The following PCDH15 variants were observed in gnomAD, a reference collection of about 807,000 sequenced individuals.
The protein encoded by PCDH15 is protocadherin related 15.
In PCDH15, 129 loss-of-function variants were observed where a neutral mutation model predicts 178.5. The observed-to-expected ratio is 0.72, with a 90% confidence interval of 0.63 to 0.84. PCDH15 has a LOEUF of 0.84. Among genes scored for constraint, PCDH15 ranks in the 40% least tolerant of loss-of-function variants. The pLI is 0.00. For missense variants in PCDH15, 2,230 were observed against 2,099.9 expected (o/e 1.06, Z -1.21); for synonymous variants, 800 against 732.0 (o/e 1.09, Z -1.50).
intron 2 of PCDH15, among the ~76,000 whole-genome samples, chr10:55,586,793 G>A (rs945869563): frequency 6.6e-6 from 1 of 152,050 alleles, no homozygotes; most frequent in African/African-American, 2.4e-5. Flanking sequence ...CTTATGACAA[G>A]AGAATGATGT....
intron 27 of PCDH15, among the ~76,000 whole-genome samples, chr10:53,862,374 C>T (rs2079160753): frequency 6.6e-6 from 1 of 151,904 alleles, no homozygotes; most frequent in Non-Finnish European, 1.5e-5. Flanking sequence ...TGATTTTTTA[C>T]ACGTGCATAA....
At chr10:55,086,716 C>A (rs1185562923) in intron 2 of PCDH15, among the ~76,000 whole-genome samples, 1 of 152,046 alleles carries the variant, frequency 6.6e-6, no homozygotes, top group Non-Finnish European at 1.5e-5. Context: ...AAATGACACA[C>A]AGTCAATTTC....
intron 23 of PCDH15, among the ~76,000 whole-genome samples, chr10:53,942,256 AGTTT>A (rs2086131158): frequency 7.7e-6 from 1 of 129,830 alleles, no homozygotes; most frequent in Non-Finnish European, 1.8e-5. Flanking sequence ...TTAATTTACT[AGTTT>A]ATTTACTTAC....
chr10:54,862,741 A>T (rs1277864955), intron 3 of PCDH15, among the ~76,000 whole-genome samples: 4 of 152,110 alleles, frequency 2.6e-5, no homozygotes, highest in African/African-American at 9.7e-5. Context: ...CTCTCTCATC[A>T]TATGTGCCAG....
chr10:53,893,933 C>G (rs1055847162), intron 26 of PCDH15, among the ~76,000 whole-genome samples: 36 of 152,036 alleles, frequency 2.4e-4, no homozygotes, highest in African/African-American at 8.2e-4. Context: ...TTGTTCTCCC[C>G]AAAATACTTT....
intron 35 of PCDH15, among the ~76,000 whole-genome samples, chr10:53,813,961 T>C (rs978815106): frequency 1.3e-5 from 2 of 152,110 alleles, no homozygotes; most frequent in Non-Finnish European, 2.9e-5. Flanking sequence ...AGGTTTTATT[T>C]CAACAAAAAT....
At chr10:54,609,160 T>A (rs1161622056) in intron 2 of PCDH15, among the ~76,000 whole-genome samples, 2 of 152,140 alleles carry the variant, frequency 1.3e-5, no homozygotes, top group Admixed American at 6.6e-5. Context: ...AAATGAGCAC[T>A]ACTGTTTTTG....
chr10:54,982,409 G>C (rs977575824), intron 2 of PCDH15, among the ~76,000 whole-genome samples: 2 of 152,086 alleles, frequency 1.3e-5, no homozygotes, highest in Non-Finnish European at 2.9e-5. Flanking sequence ...TCTATATCAA[G>C]TTTGTAAATC....
rs929101661 is a variant in PCDH15, at chr10:55,121,514, A to C, written c.-80+45062T>G. On this transcript the variant is annotated intron_variant, in intron 2 of 5. Transcript: ENST00000458638. The stretch of plus-strand genomic sequence containing the variant: ...GAATGAATGTATTTTGTATATAAGA[A>C]GGATATTAATTTTGAGGGCCCATGG... Among the ~76,000 whole-genome samples the C allele has an allele frequency of 2.6e-5, 4 of 152,152 alleles. No homozygotes were observed. The East Asian group carries it at 7.7e-4, about 29-fold the overall frequency.
At chr10:54,270,203 G>C (rs2132473048) in intron 8 of PCDH15, among the ~76,000 whole-genome samples, 1 of 152,130 alleles carries the variant, frequency 6.6e-6, no homozygotes, top group East Asian at 1.9e-4. Flanking sequence ...TTAAAAATGG[G>C]ATCCATTTTC....
chr10:54,264,862 C>G, intron 8 of PCDH15, among the ~76,000 whole-genome samples: 1 of 152,016 alleles, frequency 6.6e-6, no homozygotes, highest in East Asian at 1.9e-4. Flanking sequence ...AGAAAATATT[C>G]TCAATTTTGT....
At chr10:54,853,821 A>C (rs986023548) in intron 3 of PCDH15, among the ~76,000 whole-genome samples, 1 of 152,152 alleles carries the variant, frequency 6.6e-6, no homozygotes, top group Non-Finnish European at 1.5e-5. Flanking sequence ...CGTTCTTTTC[A>C]AGTTTTAATT....
rs576599792 is a variant in PCDH15, at chr10:55,080,818, A to G, written c.-80+85758T>C. ...TCACTTTCTACATGTGAGCCAGAGTACAAATGCTGCTCTGGTATGGAGGGT... is the reference window on the plus strand; with the variant it reads ...TCACTTTCTACATGTGAGCCAGAGTGCAAATGCTGCTCTGGTATGGAGGGT... On this transcript the variant is annotated intron_variant, in intron 2 of 5. Coordinates refer to the PCDH15 transcript ENST00000458638. Among the ~76,000 whole-genome samples, 3 of 152,318 alleles carry G rather than the reference A, an allele frequency of 2.0e-5. No homozygotes were observed. The East Asian group carries it at 5.8e-4, about 29-fold the overall frequency.
At chr10:54,059,135 T>A (rs908727136) in intron 18 of PCDH15, among the ~76,000 whole-genome samples, 1 of 152,242 alleles carries the variant, frequency 6.6e-6, no homozygotes, top group African/African-American at 2.4e-5. Context: ...CTCCAGCCTA[T>A]GAGTGAGGAC....
At position 54,236,926 on chromosome 10, in the gene PCDH15, T is replaced by C. The variant is rs181232514; in HGVS notation, c.882A>G (p.Glu294=). ...AAIPELRTPE[E]LNPIIVTPPI... ...GTGGCGTAACAATAATGGGGTTCAG[T>C]TCTTCCTGAAAAAAAAATTAAGAGA... Residue 294 remains glutamate, a synonymous_variant, in exon 9 of 38, where the codon GAA becomes GAG. Coordinates refer to ENST00000644397, the MANE Select transcript of PCDH15 (RefSeq NM_001384140.1). 17 of 1,612,988 alleles carry C rather than the reference T, an allele frequency of 1.1e-5. No homozygotes were observed. The Admixed American group carries it at 2.5e-4, about 24-fold the overall frequency.
intron 2 of PCDH15, among the ~76,000 whole-genome samples, chr10:54,576,740 C>G (rs1264479348): frequency 2.0e-5 from 3 of 152,162 alleles, no homozygotes; most frequent in Non-Finnish European, 4.4e-5. Flanking sequence ...GTCCACGTCA[C>G]TGACTCTCAC....
intron 1 of PCDH15, among the ~76,000 whole-genome samples, chr10:54,714,274 C>T (rs1030275262): frequency 1.3e-5 from 2 of 152,046 alleles, no homozygotes; most frequent in African/African-American, 4.8e-5. Flanking sequence ...TAAACAGCTC[C>T]ACCAGTCGCA....
chr10:55,304,299 T>C (rs1843362468), intron 1 of PCDH15, among the ~76,000 whole-genome samples: 1 of 152,198 alleles, frequency 6.6e-6, no homozygotes, highest in South Asian at 2.1e-4. Flanking sequence ...TGAACCTATT[T>C]GGTGCTTTCA....
chr10:53,977,877 A>C (rs534509128), intron 21 of PCDH15, among the ~76,000 whole-genome samples: 1 of 152,238 alleles, frequency 6.6e-6, no homozygotes, highest in Non-Finnish European at 1.5e-5. Context: ...TCCAGGGGGG[A>C]AGTTAAATCT....
Sources: allele counts gnomAD v4.1 joint callset (sites outside exome capture counted in the v4.1 genomes callset), GRCh38; gene constraint gnomAD v4.1.1; transcripts MANE v1.5; gene names NCBI Gene and HGNC (gene_info 2026-07-23, HGNC 2026-07-21).